ZDHHC20: variants seen among roughly 807,000 people sequenced by gnomAD.
ZDHHC20 encodes the protein zDHHC palmitoyltransferase 20.
In ZDHHC20, 43 loss-of-function variants were observed where a neutral mutation model predicts 57.8. The observed-to-expected ratio is 0.74, with a 90% CI of 0.58 to 0.96. The LOEUF is 0.96. ZDHHC20 is among the 40% of genes least tolerant of loss of function. The pLI is 0.00. For missense variants in ZDHHC20, 391 were observed against 441.1 expected (o/e 0.89, Z 1.02); for synonymous variants, 157 against 153.0 (o/e 1.03, Z -0.19).
intron 3 of ZDHHC20, among the ~76,000 whole-genome samples, chr13:21,414,882 A>G (rs1000971433): frequency 2.0e-5 from 3 of 152,016 alleles, no homozygotes; most frequent in African/African-American, 7.2e-5. Flanking sequence ...TTTATTTCAT[A>G]GATTAAAAAA....
chr13:21,409,503 A>G (rs956718642), intron 4 of ZDHHC20, among the ~76,000 whole-genome samples: 2 of 151,162 alleles, frequency 1.3e-5, no homozygotes, highest in Non-Finnish European at 3.0e-5. Context: ...TCTCTCTTTT[A>G]TTCTTTATTA....
At chr13:21,444,949 A>G (rs1332732409) in intron 1 of ZDHHC20, among the ~76,000 whole-genome samples, 1 of 152,046 alleles carries the variant, frequency 6.6e-6, no homozygotes, top group East Asian at 1.9e-4. Flanking sequence ...CCAGCTACTC[A>G]GGAGGCTAAG....
In ZDHHC20 at chr13:21,425,653, A is replaced by AT; in HGVS notation, c.143dup (p.Asn48LysfsTer43). On this transcript the variant is annotated frameshift_variant and splice_region_variant, in exon 2 of 13. Coordinates refer to ENST00000400590, the MANE Select transcript of ZDHHC20 (RefSeq NM_001330059.2). LOFTEE classifies it high-confidence loss of function. ...AAATTGAAACTAAAAGTGCCTTACCATTTTCTTCATTTCCAAAAATAGTAA... is the reference window on the plus strand; with the variant it reads ...AAATTGAAACTAAAAGTGCCTTACCATTTTTCTTCATTTCCAAAAATAGTAA... 8.4e-7 allele frequency: 1 copy of AT among 1,186,216 alleles called. No individual in the cohort carries two copies. Among genetic ancestry groups the AT allele is most frequent in the Non-Finnish European group, 1.1e-6 (1 of 881,698 alleles). The allele number at this position is 1,186,216 out of a possible 1,614,324, so 73.5% of individuals were successfully genotyped here.
chr13:21,409,269 A>G (rs1442132089), intron 4 of ZDHHC20, among the ~76,000 whole-genome samples: 1 of 152,160 alleles, frequency 6.6e-6, no homozygotes, highest in Admixed American at 6.5e-5. Flanking sequence ...GCTATTAACT[A>G]CTGCCTCAAT....
At chr13:21,406,660 T>C (rs943649996) in intron 4 of ZDHHC20, among the ~76,000 whole-genome samples, 2 of 152,138 alleles carry the variant, frequency 1.3e-5, no homozygotes, top group African/African-American at 2.4e-5. Context: ...CTGTGTTAGT[T>C]TGCTGAAAAT....
chr13:21,428,529 T>A (rs1881548373), intron 1 of ZDHHC20, among the ~76,000 whole-genome samples: 1 of 151,924 alleles, frequency 6.6e-6, no homozygotes, highest in Admixed American at 6.6e-5. Flanking sequence ...CCAAACTATG[T>A]TTTTTAAAAA....
chr13:21,435,660 T>C (rs542562704), intron 1 of ZDHHC20, among the ~76,000 whole-genome samples: 3 of 152,336 alleles, frequency 2.0e-5, no homozygotes, highest in East Asian at 3.9e-4. Flanking sequence ...CTAGTAAATG[T>C]AGAAGAAATC....
At chr13:21,417,210 G>C (rs1362638547) in intron 3 of ZDHHC20, among the ~76,000 whole-genome samples, 4 of 152,008 alleles carry the variant, frequency 2.6e-5, no homozygotes, top group Non-Finnish European at 5.9e-5. Context: ...CTTTCTCCCC[G>C]AAAGTAGCTT....
intron 4 of ZDHHC20, among the ~76,000 whole-genome samples, chr13:21,409,479 G>T (rs1878913182): frequency 6.6e-6 from 1 of 151,996 alleles, no homozygotes. Flanking sequence ...TTTTTATTGT[G>T]TCTATTTGAT....
At chr13:21,402,130 T>C (rs1430845402) in intron 5 of ZDHHC20, among the ~76,000 whole-genome samples, 2 of 152,084 alleles carry the variant, frequency 1.3e-5, no homozygotes, top group Non-Finnish European at 2.9e-5. Context: ...GCTAACAAAT[T>C]AGCTGAAGGA....
intron 8 of ZDHHC20, among the ~76,000 whole-genome samples, chr13:21,390,621 T>C (rs1875519819): frequency 6.6e-6 from 1 of 152,152 alleles, no homozygotes; most frequent in African/African-American, 2.4e-5. Context: ...ATATATGGGC[T>C]GGGCAAGGTG....
intron 1 of ZDHHC20, among the ~76,000 whole-genome samples, chr13:21,453,422 T>A (rs1272701063): frequency 6.6e-6 from 1 of 152,204 alleles, no homozygotes; most frequent in East Asian, 1.9e-4. Flanking sequence ...AGGACTTGAA[T>A]AACACTACCA....
chr13:21,438,431 G>A (rs577416731), intron 1 of ZDHHC20, among the ~76,000 whole-genome samples: 56 of 152,326 alleles, frequency 3.7e-4, no homozygotes, highest in African/African-American at 1.2e-3. Context: ...AGACTTCAGT[G>A]GAGGAAGGGA....
rs1390666326 is a variant in ZDHHC20 at position 21,375,060 on chromosome 13, G to C, written c.*1636C>G. 2.2e-6 allele frequency: 1 copy of C among 451,868 alleles called. No homozygotes were observed. Among genetic ancestry groups the C allele is most frequent in the Admixed American group, 2.4e-5 (1 of 42,200 alleles). The allele number at this position is 451,868 out of a possible 1,614,324, so 28.0% of individuals were successfully genotyped here. A position where few individuals can be genotyped will look rare whatever the true frequency, so the allele number is the denominator to read the frequency against. On this transcript the variant is annotated 3_prime_UTR_variant, in exon 13 of 13. Transcript: ENST00000400590. ...GAGGCAGGAGACTCTATTGAACCTG[G>C]AAGGCAGAGGTTGCAGCGAGCCAAG...
Position 21,374,126 on chromosome 13 carries a change from C to T in ZDHHC20, c.*2570G>A, listed in dbSNP as rs1871630140. 1 of 162,008 alleles carries T rather than the reference C, an allele frequency of 6.2e-6. No homozygotes were observed. Among genetic ancestry groups the T allele is most frequent in the Admixed American group, 6.1e-5 (1 of 16,334 alleles). 10.0% of individuals were successfully genotyped at this position (162,008 alleles called of 1,614,324 possible). ...TCTGAATGTAGAAATGCAAAAAGTA[C>T]CAGGAGAACATTTCTGAAAGTAGTC... On this transcript the variant is annotated 3_prime_UTR_variant, in exon 13 of 13. Coordinates refer to ENST00000400590, the MANE Select transcript of ZDHHC20 (RefSeq NM_001330059.2).
At chr13:21,444,029 G>A (rs1022578680) in intron 1 of ZDHHC20, among the ~76,000 whole-genome samples, 3 of 152,106 alleles carry the variant, frequency 2.0e-5, no homozygotes, top group Non-Finnish European at 2.9e-5. Context: ...GGTGGCGTGT[G>A]CCTATAGTCC....
At chr13:21,414,527 A>ATATTT (rs1555261215) in intron 3 of ZDHHC20, among the ~76,000 whole-genome samples, 2 of 107,498 alleles carry the variant, frequency 1.9e-5, no homozygotes, top group African/African-American at 3.1e-5. Flanking sequence ...TGCCCGGATA[A>ATATTT]TTTTTTTTTT....
At chr13:21,396,167 T>C (rs1209595258) in intron 7 of ZDHHC20, among the ~76,000 whole-genome samples, 2 of 152,154 alleles carry the variant, frequency 1.3e-5, no homozygotes, top group Non-Finnish European at 2.9e-5. Context: ...ACGTGGTGCT[T>C]CCTATCCTGG....
rs1871919212 is a variant in ZDHHC20 at position 21,375,391 on chromosome 13, AG to A, written c.*1304del. ...TCTGTCTGTCTAAAAGGTGTAAATG[AG>A]GAGTGACATTTCTACATTGTTTATT... is the stretch of plus-strand genomic sequence containing the variant. On this transcript the variant is annotated 3_prime_UTR_variant, in exon 13 of 13. Transcript: ENST00000400590. 1 of 317,810 alleles carries A rather than the reference AG, an allele frequency of 3.1e-6. No individual in the cohort carries two copies. The highest frequency in any genetic ancestry group is 6.1e-6 in the Non-Finnish European group (1 of 162,738). The allele number at this position is 317,810 out of a possible 1,614,324, so 19.7% of individuals were successfully genotyped here.
Sources: gnomAD v4.1 joint callset for allele counts (sites outside exome capture counted in the v4.1 genomes callset) on GRCh38, gnomAD v4.1.1 for gene constraint, MANE v1.5 for transcripts, NCBI Gene and HGNC (gene_info 2026-07-23, HGNC 2026-07-21) for gene names.